Variants in TMX2 observed in about 807,000 individuals in gnomAD.
TMX2 encodes the protein thioredoxin related transmembrane protein 2, also known as thioredoxin-related transmembrane protein 2.
A neutral mutation model predicts 33.4 loss-of-function variants in TMX2; 20 were observed. The observed-to-expected ratio is 0.60, with a 90% CI of 0.42 to 0.87. TMX2 has a LOEUF of 0.87. TMX2 is among the 40% of genes least tolerant of loss of function. The pLI, the probability that TMX2 is intolerant of heterozygous loss-of-function variation, is 0.00. For synonymous variants in TMX2, 166 were observed against 140.7 expected, an observed-to-expected ratio of 1.18 and a Z score of -1.27; for missense variants, 340 against 370.7, an observed-to-expected ratio of 0.92 and a Z score of 0.68.
intron 1 of TMX2, among the ~76,000 whole-genome samples, chr11:57,728,896 A>G (rs753100371): frequency 3.9e-5 from 6 of 152,064 alleles, no homozygotes; most frequent in Middle Eastern, 3.2e-3. Context: ...ATCCCCAAAA[A>G]CAATTAATTT....
intron 1 of TMX2, chr11:57,718,530 T>C (rs750277846): frequency 1.4e-6 from 1 of 722,080 alleles, no homozygotes; most frequent in East Asian, 2.9e-5. Flanking sequence ...GGGTTGACCA[T>C]GGCTGATAGT....
chr11:57,712,855 C>G (rs753400896), intron 1 of TMX2, 48 bp downstream of exon 1: 1 of 1,604,696 alleles, frequency 6.2e-7, no homozygotes, highest in South Asian at 1.1e-5. Flanking sequence ...TGTCCCTGCC[C>G]TTGCAGGTGT....
chr11:57,721,192 C>T (rs2135507329), intron 1 of TMX2, among the ~76,000 whole-genome samples: 2 of 152,048 alleles, frequency 1.3e-5, no homozygotes, highest in South Asian at 4.2e-4. Context: ...ATCCCAGCTA[C>T]CTGGGAGGTT....
chr11:57,712,829 A>G, intron 1 of TMX2, 22 bp downstream of exon 1: 1 of 1,613,320 alleles, frequency 6.2e-7, no homozygotes, highest in Non-Finnish European at 8.5e-7. Flanking sequence ...GCGTGTTAGT[A>G]CCCCGCGACC....
At chr11:57,714,184 A>G (rs1246089591) in intron 1 of TMX2, among the ~76,000 whole-genome samples, 1 of 152,122 alleles carries the variant, frequency 6.6e-6, no homozygotes, top group East Asian at 1.9e-4. Context: ...GTCTGTGGAG[A>G]GAGAAATCGG....
intron 1 of TMX2, among the ~76,000 whole-genome samples, chr11:57,730,920 A>G (rs908152672): frequency 1.3e-5 from 2 of 152,202 alleles, no homozygotes; most frequent in African/African-American, 2.4e-5. Flanking sequence ...TCGGTTGGCT[A>G]TGATTAAAGA....
chr11:57,736,883 C>T (rs79203752), intron 1 of TMX2, among the ~76,000 whole-genome samples: 2 of 80,144 alleles, frequency 2.5e-5, no homozygotes, highest in African/African-American at 1.0e-4. Context: ...AAGACTGTCT[C>T]AAAAAAAAAA....
chr11:57,731,757 C>A (rs1399608688), intron 1 of TMX2, among the ~76,000 whole-genome samples: 1 of 152,088 alleles, frequency 6.6e-6, no homozygotes, highest in Non-Finnish European at 1.5e-5. Context: ...GAGAAGGAAA[C>A]CTCATCTGGT....
chr11:57,718,050 C>G, intron 1 of TMX2: 1 of 1,183,010 alleles, frequency 8.5e-7, no homozygotes, highest in Non-Finnish European at 1.2e-6. Flanking sequence ...CTAGACTTAT[C>G]CACAGTCAGC....
chr11:57,738,370 C>T lies in TMX2; in HGVS notation c.381C>T (p.Cys127=), dbSNP rs781030562. ...ITLCIVFLMT[C]KPPLYMGPEY... ...TGTATTTAGTGTTCCTGATGACGTG[C>T]AAACCCCCCCTATATATGGGCCCTG... Residue 127 remains cysteine, a synonymous_variant, in exon 4 of 8, where the codon TGC becomes TGT. Coordinates refer to ENST00000278422, the MANE Select transcript of TMX2 (RefSeq NM_015959.4). 3 of 1,610,522 alleles carry T rather than the reference C, an allele frequency of 1.9e-6. No individual in the cohort carries two copies. The South Asian group carries it at 3.3e-5, about 18-fold the overall frequency.
intron 1 of TMX2, among the ~76,000 whole-genome samples, chr11:57,720,100 C>T (rs1044081013): frequency 1.4e-5 from 2 of 146,876 alleles, no homozygotes; most frequent in Non-Finnish European, 3.0e-5. Context: ...ATCAGCCTGG[C>T]CAACGTGGTG....
At chr11:57,731,135 T>TG (rs1948371905) in intron 1 of TMX2, among the ~76,000 whole-genome samples, 3 of 68,336 alleles carry the variant, frequency 4.4e-5, no homozygotes, top group African/African-American at 1.5e-4. Context: ...GTTTTTTTTT[T>TG]TTTTTTTTTT....
chr11:57,716,849 C>A (rs917434682), intron 1 of TMX2, among the ~76,000 whole-genome samples: 2 of 151,228 alleles, frequency 1.3e-5, no homozygotes, highest in Admixed American at 6.6e-5. Flanking sequence ...GCTGACCCCC[C>A]CCACCTCCCT....
intron 1 of TMX2, chr11:57,718,105 G>A (rs1947301920): frequency 1.1e-5 from 14 of 1,255,254 alleles, no homozygotes; most frequent in Middle Eastern, 1.9e-4. Context: ...GACCCAAAGC[G>A]CTCCATGGCC....
chr11:57,716,087 G>A (rs917423296), intron 1 of TMX2, among the ~76,000 whole-genome samples: 1 of 152,034 alleles, frequency 6.6e-6, no homozygotes, highest in African/African-American at 2.4e-5. Flanking sequence ...CGTTCTCAAT[G>A]AGCTGTTGGG....
Position 57,739,209 on chromosome 11 carries a change from G to T in TMX2, c.693G>T (p.Arg231=). The T allele has an allele frequency of 6.2e-7, 1 of 1,614,092 alleles. No individual in the cohort carries two copies. The highest frequency in any genetic ancestry group is 8.5e-7 in the Non-Finnish European group (1 of 1,180,032). ...TCCAAGGTGGCAAGGAGGCAATGCG[G>T]CGGCCACAGATTGACAAGAAAGGAC... ...ILFQGGKEAM[R]RPQIDKKGRA... The change falls in exon 7 of 8, where the codon CGG becomes CGT. Residue 231 remains arginine (R), a synonymous_variant. Transcript: ENST00000278422.
chr11:57,733,582 C>T (rs922871298), intron 1 of TMX2, among the ~76,000 whole-genome samples: 8 of 151,300 alleles, frequency 5.3e-5, no homozygotes, highest in African/African-American at 1.7e-4. Context: ...ACAGATGAAA[C>T]GATATAGCTG....
intron 1 of TMX2, among the ~76,000 whole-genome samples, chr11:57,716,749 G>C (rs1947111113): frequency 1.4e-5 from 2 of 147,412 alleles, no homozygotes; most frequent in Non-Finnish European, 3.0e-5. Flanking sequence ...GGGGTGGCTG[G>C]CCAGGCAGAG....
Position 57,712,790 on chromosome 11 carries a change from C to G in TMX2, c.172C>G (p.Pro58Ala). 1 of 1,614,104 alleles carries G rather than the reference C, an allele frequency of 6.2e-7. No individual in the cohort carries two copies. Residue 58 changes from proline (P) to alanine (A), a missense_variant, in exon 1 of 8, where the codon CCG becomes GCG. By Grantham distance (27) the Pro-to-Ala change is conservative (BLOSUM62 -1). Transcript: ENST00000278422. ...GCCCACCCAACGCGAAGACGGTAAC[C>G]CGTGTGACTTTGACTGGGTGAGCCT... ...GLPTQREDGN[P>A]CDFDWREVEI...
Sources: allele counts gnomAD v4.1 joint callset (sites outside exome capture counted in the v4.1 genomes callset), GRCh38; gene constraint gnomAD v4.1.1; transcripts MANE v1.5; gene names NCBI Gene and HGNC (gene_info 2026-07-23, HGNC 2026-07-21).